Variants in ACER1 observed in about 807,000 individuals in gnomAD.
ACER1 encodes the protein CTB-180A7.3.
A neutral mutation model predicts 24.9 loss-of-function variants in ACER1; 28 were observed. The ratio of observed to expected loss-of-function variants is 1.13; its 90% confidence interval spans 0.83 to 1.54. The LOEUF (loss-of-function observed/expected upper bound fraction) is 1.54, where lower values mean the gene tolerates loss of function less well. Ranked by LOEUF, ACER1 falls within the 40% of genes most tolerant of loss-of-function variation. The pLI is 0.00. For missense variants in ACER1, 352 were observed against 349.3 expected, an observed-to-expected ratio of 1.01 and a Z score of -0.06; for synonymous variants, 132 against 131.4, an observed-to-expected ratio of 1.00 and a Z score of -0.03.
chr19:6,351,948 C>T, the ACER1 span, among the ~76,000 whole-genome samples: 10 of 150,190 alleles, frequency 6.7e-5, no homozygotes, highest in Non-Finnish European at 1.3e-4. Flanking sequence ...CCCAGCTACT[C>T]GGGAGGCTGA....
chr19:6,319,701 A>T (rs1455173613), intron 1 of ACER1, among the ~76,000 whole-genome samples: 1 of 152,074 alleles, frequency 6.6e-6, no homozygotes, highest in African/African-American at 2.4e-5. Flanking sequence ...TACAGAGTTA[A>T]GTGCCACGGG....
intron 1 of ACER1, among the ~76,000 whole-genome samples, chr19:6,321,859 AC>A (rs200895626): frequency 0.036 from 5,421 of 152,118 alleles, 337 homozygotes; most frequent in African/African-American, 0.12. Context: ...TCATCTGCCC[AC>A]CACGGCCTCC....
At chr19:6,342,022 A>T in the ACER1 span, among the ~76,000 whole-genome samples, 27 of 144,528 alleles carry the variant, frequency 1.9e-4, no homozygotes, top group East Asian at 5.0e-3. Context: ...ATATGCATTA[A>T]TATTTGGAAA....
the ACER1 span, among the ~76,000 whole-genome samples, chr19:6,355,741 A>T: frequency 2.4e-5 from 3 of 123,840 alleles, no homozygotes; most frequent in Non-Finnish European, 3.3e-5. Flanking sequence ...CCCGTCCAGG[A>T]GGGAGGTGGG....
chr19:6,318,411 G>A (rs2145005522), intron 1 of ACER1, among the ~76,000 whole-genome samples: 1 of 152,024 alleles, frequency 6.6e-6, no homozygotes, highest in South Asian at 2.1e-4. Context: ...AGAGGTTGCA[G>A]TGAGCTGAGA....
intron 1 of ACER1, among the ~76,000 whole-genome samples, chr19:6,324,861 AAGG>A (rs2091652054): frequency 9.7e-5 from 1 of 10,334 alleles, no homozygotes; most frequent in African/African-American, 2.2e-4. Flanking sequence ...GAGAGAGAGA[AAGG>A]AAGGAAGGAA....
the ACER1 span, among the ~76,000 whole-genome samples, chr19:6,340,376 A>G: frequency 2.0e-3 from 283 of 142,882 alleles, 2 homozygotes; most frequent in South Asian, 5.3e-3. Flanking sequence ...AGGAAGGAAG[A>G]AAAACAGAAC....
intron 4 of ACER1, among the ~76,000 whole-genome samples, chr19:6,308,625 G>T (rs766061352): frequency 2.6e-5 from 4 of 151,994 alleles, no homozygotes; most frequent in Non-Finnish European, 5.9e-5. Flanking sequence ...CAAGCCCTTT[G>T]GTGCTTGTAT....
At chr19:6,330,443 C>T (rs904018784) in intron 1 of ACER1, among the ~76,000 whole-genome samples, 3 of 150,356 alleles carry the variant, frequency 2.0e-5, no homozygotes, top group Non-Finnish European at 4.4e-5. Flanking sequence ...GCTGGGATTA[C>T]AGGCATAAGC....
rs1600235295 is a variant in ACER1 at position 6,311,891 on chromosome 19, G to A, written c.350+258C>T. On this transcript the variant is annotated intron_variant, in intron 3 of 5. Transcript: ENST00000301452. Reference sequence around the variant, plus strand: ...CCTGGAACTCCTGTTGGCTGCAACAGATTCTGGAGGAAGTCCCAGGTTATC... The same window carrying A: ...CCTGGAACTCCTGTTGGCTGCAACAAATTCTGGAGGAAGTCCCAGGTTATC... Among the ~76,000 whole-genome samples the A allele has an allele frequency of 2.0e-5, 3 of 152,116 alleles. No individual in the cohort carries two copies. In the East Asian group the frequency reaches 5.8e-4, roughly 29 times the overall value.
At position 6,333,595 on chromosome 19, in the gene ACER1, G is replaced by C. The variant is rs2091700729; in HGVS notation, c.-44C>G. On this transcript the variant is annotated 5_prime_UTR_variant, in exon 1 of 6. Transcript: ENST00000301452. The stretch of plus-strand genomic sequence containing the variant: ...ACCAGCCGGCTGCGCCCGGCAGAGA[G>C]AAGGCGAGCTTGGGAAGGCTGGGCC... 2.0e-6 allele frequency: 3 copies of C among 1,518,188 alleles called. No homozygotes were observed. The East Asian group carries it at 7.4e-5, about 37-fold the overall frequency. 94.0% of individuals were successfully genotyped at this position (1,518,188 alleles called of 1,614,324 possible). A position where few individuals can be genotyped will look rare whatever the true frequency, so the allele number is the denominator to read the frequency against.
the ACER1 span, among the ~76,000 whole-genome samples, chr19:6,352,105 G>C: frequency 2.0e-5 from 3 of 151,634 alleles, no homozygotes; most frequent in Non-Finnish European, 2.9e-5. Flanking sequence ...CCTCTTACAA[G>C]GCATTTATTT....
At chr19:6,343,075 C>T in the ACER1 span, among the ~76,000 whole-genome samples, 1 of 152,122 alleles carries the variant, frequency 6.6e-6, no homozygotes, top group East Asian at 1.9e-4. Flanking sequence ...CCGCACCCAG[C>T]CAAAAGTTTT....
the ACER1 span, among the ~76,000 whole-genome samples, chr19:6,356,863 A>G: frequency 1.3e-5 from 2 of 152,176 alleles, no homozygotes; most frequent in African/African-American, 4.8e-5. Context: ...ACCAGAGCCA[A>G]ACAAGATAGC....
chr19:6,355,914 A>G, the ACER1 span, among the ~76,000 whole-genome samples: 1 of 147,876 alleles, frequency 6.8e-6, no homozygotes, highest in Non-Finnish European at 1.5e-5. Flanking sequence ...CTGCCCGGCC[A>G]CCCCTACTGG....
chr19:6,332,257 G>A (rs1216007780), intron 1 of ACER1, among the ~76,000 whole-genome samples: 4 of 144,324 alleles, frequency 2.8e-5, no homozygotes, highest in Admixed American at 7.0e-5. Flanking sequence ...GTGAGCCTCC[G>A]CGCCCGGCCT....
chr19:6,347,132 A>ATATATATATATATG, the ACER1 span, among the ~76,000 whole-genome samples: 19 of 118,160 alleles, frequency 1.6e-4, no homozygotes, highest in African/African-American at 6.5e-4. Flanking sequence ...ATATATATAT[A>ATATATATATATATG]AAATAATAAT....
intron 1 of ACER1, among the ~76,000 whole-genome samples, chr19:6,316,214 G>T (rs2091602547): frequency 6.6e-6 from 1 of 152,172 alleles, no homozygotes; most frequent in Admixed American, 6.5e-5. Flanking sequence ...CAGGAGAATT[G>T]CCTGAGGACA....
At chr19:6,319,711 G>T (rs117856823) in intron 1 of ACER1, among the ~76,000 whole-genome samples, 11 of 151,998 alleles carry the variant, frequency 7.2e-5, no homozygotes, top group Non-Finnish European at 1.0e-4. Context: ...AGTGCCACGG[G>T]ACCAGGGAGC....
Sources: allele counts gnomAD v4.1 joint callset (sites outside exome capture counted in the v4.1 genomes callset), GRCh38; gene constraint gnomAD v4.1.1; transcripts MANE v1.5; gene names NCBI Gene and HGNC (gene_info 2026-07-23, HGNC 2026-07-21).